The following DTNA variants were observed in gnomAD, a reference collection of about 807,000 sequenced individuals.
DTNA encodes dystrophin-related protein 3.
Under a neutral mutation model 100.7 loss-of-function variants are expected in DTNA, and 43 were observed. That is an observed-to-expected ratio of 0.43 (90% CI 0.33 to 0.55). The LOEUF is 0.55. Among genes scored for constraint, DTNA ranks in the 20% least tolerant of loss-of-function variants. DTNA has a pLI of 0.04. For synonymous variants in DTNA, 349 were observed against 347.9 expected (o/e 1.00, Z -0.04); for missense variants, 798 against 953.9 (o/e 0.84, Z 2.15).
In DTNA at chr18:34,890,550, C is replaced by A. The variant is rs1394300543; in HGVS notation, c.*2816C>A. 6.8e-7 allele frequency: 1 copy of A among 1,470,236 alleles called. No individual in the cohort carries two copies. The highest frequency in any genetic ancestry group is 9.1e-7 in the Non-Finnish European group (1 of 1,100,244). 91.1% of individuals were successfully genotyped at this position (1,470,236 alleles called of 1,614,324 possible). A position where few individuals can be genotyped will look rare whatever the true frequency, so the allele number is the denominator to read the frequency against. ...AATTGCACATCCATCTCCATCAGAG[C>A]TGATAGCCTGTTAATAAGCACTGGT... On this transcript the variant is annotated 3_prime_UTR_variant, in exon 23 of 23. Coordinates refer to ENST00000444659, the MANE Select transcript of DTNA (RefSeq NM_001386795.1).
chr18:34,496,205 AACACACACACACACACACACAC>A (rs367764683), intron 1 of DTNA, among the ~76,000 whole-genome samples: 1 of 138,498 alleles, frequency 7.2e-6, no homozygotes, highest in African/African-American at 2.8e-5. Flanking sequence ...CCCTCCCTGC[AACACACACACACACACACACAC>A]ACACACACAC....
chr18:34,554,978 G>A (rs1373411325), intron 1 of DTNA, among the ~76,000 whole-genome samples: 2 of 134,530 alleles, frequency 1.5e-5, no homozygotes, highest in East Asian at 2.1e-4. Context: ...ACCTCTGGTA[G>A]AATTCGGCTG....
chr18:34,650,860 A>G (rs541558288), intron 1 of DTNA, among the ~76,000 whole-genome samples: 2 of 152,294 alleles, frequency 1.3e-5, no homozygotes, highest in South Asian at 4.1e-4. Context: ...CTAATTCTTC[A>G]TGTACATTAG....
intron 1 of DTNA, among the ~76,000 whole-genome samples, chr18:34,557,624 G>A (rs2046208658): frequency 6.6e-6 from 1 of 151,682 alleles, no homozygotes; most frequent in Non-Finnish European, 1.5e-5. Context: ...GGAATACCCT[G>A]CCGTGTGAGG....
intron 1 of DTNA, among the ~76,000 whole-genome samples, chr18:34,695,294 A>AG (rs1291436713): frequency 6.6e-6 from 1 of 152,144 alleles, no homozygotes; most frequent in Non-Finnish European, 1.5e-5. Flanking sequence ...GCAAGCATGA[A>AG]GGTTTTTCAC....
At chr18:34,502,951 A>G (rs930654171) in intron 1 of DTNA, among the ~76,000 whole-genome samples, 2 of 152,190 alleles carry the variant, frequency 1.3e-5, no homozygotes, top group African/African-American at 2.4e-5. Flanking sequence ...GAAAAAGTAT[A>G]TGCCGTCTCC....
intron 1 of DTNA, among the ~76,000 whole-genome samples, chr18:34,663,699 A>G (rs554202879): frequency 6.8e-4 from 104 of 152,308 alleles, no homozygotes; most frequent in African/African-American, 2.4e-3. Context: ...TGTCACCAGA[A>G]AAAACAACTG....
At chr18:34,841,901 A>C (rs757652406) in intron 13 of DTNA, among the ~76,000 whole-genome samples, 4 of 152,212 alleles carry the variant, frequency 2.6e-5, no homozygotes, top group Non-Finnish European at 5.9e-5. Flanking sequence ...TATTTGTAAT[A>C]GTTTGCTGCT....
intron 1 of DTNA, among the ~76,000 whole-genome samples, chr18:34,625,188 G>A (rs1232290015): frequency 6.6e-6 from 1 of 151,988 alleles, no homozygotes; most frequent in Non-Finnish European, 1.5e-5. Context: ...CACCACGTCC[G>A]GCTAATTTTT....
chr18:34,624,724 C>T (rs565025815), intron 1 of DTNA, among the ~76,000 whole-genome samples: 16 of 152,246 alleles, frequency 1.1e-4, no homozygotes, highest in South Asian at 8.3e-4. Flanking sequence ...ATGAATTAGA[C>T]GGGACCGTGA....
chr18:34,881,543 A>G (rs1465770880), intron 20 of DTNA, among the ~76,000 whole-genome samples: 1 of 142,124 alleles, frequency 7.0e-6, no homozygotes, highest in Non-Finnish European at 1.5e-5. Context: ...ACTTAATTCT[A>G]TAAAAATAAG....
chr18:34,516,133 A>G (rs898334400), intron 1 of DTNA, among the ~76,000 whole-genome samples: 1 of 152,088 alleles, frequency 6.6e-6, no homozygotes, highest in Non-Finnish European at 1.5e-5. Context: ...GGCCGGTCTG[A>G]GAAATAAAGG....
chr18:34,744,460 A>G (rs2091244488), intron 1 of DTNA, among the ~76,000 whole-genome samples: 1 of 152,148 alleles, frequency 6.6e-6, no homozygotes, highest in Non-Finnish European at 1.5e-5. Flanking sequence ...TGACCAGGAA[A>G]AAAATATCAT....
At chr18:34,786,751 A>T (rs1474659866) in intron 3 of DTNA, among the ~76,000 whole-genome samples, 1 of 152,216 alleles carries the variant, frequency 6.6e-6, no homozygotes, top group Non-Finnish European at 1.5e-5. Context: ...TAATTAAAGC[A>T]CATCATAATG....
intron 1 of DTNA, among the ~76,000 whole-genome samples, chr18:34,541,064 A>G (rs894140667): frequency 1.3e-5 from 2 of 152,100 alleles, no homozygotes; most frequent in Admixed American, 6.6e-5. Flanking sequence ...GTAAGACATA[A>G]TATTCTTCAG....
At chr18:34,511,351 G>A (rs1424791029) in intron 1 of DTNA, among the ~76,000 whole-genome samples, 2 of 152,024 alleles carry the variant, frequency 1.3e-5, no homozygotes, top group Non-Finnish European at 2.9e-5. Flanking sequence ...CTTTGTGCTA[G>A]TATTATTAGC....
At chr18:34,884,288 A>G (rs2096901674) in intron 21 of DTNA, among the ~76,000 whole-genome samples, 1 of 152,188 alleles carries the variant, frequency 6.6e-6, no homozygotes, top group African/African-American at 2.4e-5. Context: ...ACCATTCCAT[A>G]TAAAATATTA....
intron 1 of DTNA, among the ~76,000 whole-genome samples, chr18:34,552,912 C>G (rs1285505146): frequency 1.4e-5 from 2 of 144,734 alleles, no homozygotes; most frequent in African/African-American, 2.7e-5. Flanking sequence ...ATGGCTGGGT[C>G]AAATGGTATT....
chr18:34,547,619 G>A (rs2044937243), intron 1 of DTNA, among the ~76,000 whole-genome samples: 1 of 152,086 alleles, frequency 6.6e-6, no homozygotes, highest in Non-Finnish European at 1.5e-5. Context: ...GGTTCCTGGA[G>A]ATATACCTTA....
Sources: gnomAD v4.1 joint callset for allele counts (sites outside exome capture counted in the v4.1 genomes callset) on GRCh38, gnomAD v4.1.1 for gene constraint, MANE v1.5 for transcripts, NCBI Gene and HGNC (gene_info 2026-07-23, HGNC 2026-07-21) for gene names.